EIF4G1: variants seen among roughly 807,000 people sequenced by gnomAD.
The protein encoded by EIF4G1 is EIF4-gamma.
In EIF4G1, 4 loss-of-function variants were observed where a neutral mutation model predicts 187.8. The observed-to-expected ratio is 0.02, with a 90% CI of 0.01 to 0.05. The LOEUF is 0.05. Among genes scored for constraint, EIF4G1 ranks in the 10% least tolerant of loss-of-function variants. The pLI, the probability that EIF4G1 is intolerant of heterozygous loss-of-function variation, is 1.00. For synonymous variants in EIF4G1, 844 were observed against 781.4 expected (o/e 1.08, Z -1.34); for missense variants, 1,647 against 2,081.1 (o/e 0.79, Z 4.06).
At chr3:184,324,651 G>A (rs1724524474) in intron 17 of EIF4G1, among the ~76,000 whole-genome samples, 3 of 152,226 alleles carry the variant, frequency 2.0e-5, no homozygotes, top group Admixed American at 6.5e-5. Context: ...TAATAGAGAC[G>A]GGGTTTTACC....
intron 5 of EIF4G1, 95 bp from the exon 6 acceptor site, chr3:184,317,622 G>T: frequency 6.5e-7 from 1 of 1,528,798 alleles, no homozygotes; most frequent in Non-Finnish European, 9.0e-7. Flanking sequence ...GCCCAGAGTT[G>T]GCTTGTCTTG....
rs1433171073 is a variant in EIF4G1, at chr3:184,332,192, T to C, written c.4618+106T>C. ...TTAATCCAAGAAAGGTAGGTAGTCA[T>C]TAGAGAGCAAAATGCCCTCTGGGTT... On this transcript the variant is annotated intron_variant, in intron 32 of 32. Transcript: ENST00000346169. 6 of 1,491,500 alleles carry C rather than the reference T, an allele frequency of 4.0e-6. No homozygotes were observed. In the South Asian group the frequency reaches 5.9e-5, roughly 15 times the overall value. The allele number at this position is 1,491,500 out of a possible 1,614,324, so 92.4% of individuals were successfully genotyped here. A position where few individuals can be genotyped will look rare whatever the true frequency, so the allele number is the denominator to read the frequency against.
At chr3:184,324,796 G>T in intron 17 of EIF4G1, 82 bp from the exon 18 acceptor site, 1 of 1,480,384 alleles carries the variant, frequency 6.8e-7, no homozygotes, top group South Asian at 1.1e-5. Flanking sequence ...CTTATTGCTA[G>T]GTTTGGATAT....
chr3:184,324,887 C>G lies in EIF4G1; in HGVS notation c.2629C>G (p.Arg877Gly). The G allele has an allele frequency of 6.2e-7, 1 of 1,613,624 alleles. No homozygotes were observed. Among genetic ancestry groups the G allele is most frequent in the Non-Finnish European group, 8.5e-7 (1 of 1,180,026 alleles). The part of the protein sequence containing the change: ...EMDEAATAEE[R>G]GRLKEELEEA... The stretch of plus-strand genomic sequence containing the variant: ...GTCCTGTGAATGGCAGGCAGAGGAA[C>G]GAGGACGCCTGAAGGAAGAGCTGGA... Residue 877 changes from arginine to glycine, a missense_variant, in exon 18 of 33, where the codon CGA (arginine) becomes GGA (glycine). Physicochemically the swap from Arg to Gly is moderately radical, Grantham distance 125. Around this residue, in one of 11 missense-constraint regions of EIF4G1, gnomAD observed 40 missense variants for 42.2 expected, o/e 0.95. Transcript: ENST00000346169.
rs953496082 is a variant in EIF4G1, at chr3:184,321,979, A to T, written c.1395A>T (p.Glu465Asp). ...TGGAAGAAGAAGAAGAAGAGGAAGA[A>T]GGAGAAGCAGGAGAAGCAGGAGAAG... is the stretch of plus-strand genomic sequence containing the variant. ...EEMEEEEEEE[E>D]GEAGEAGEAE... The change falls in exon 10 of 33, where the codon GAA becomes GAT. Residue 465 changes from glutamate (E) to aspartate (D), a missense_variant. By Grantham distance (45) the Glu-to-Asp change is conservative. Coordinates refer to ENST00000346169, the MANE Select transcript of EIF4G1 (RefSeq NM_198241.3). 6.5e-7 allele frequency: 1 copy of T among 1,543,016 alleles called. No individual in the cohort carries two copies. Among genetic ancestry groups the T allele is most frequent in the Admixed American group, 1.7e-5 (1 of 59,016 alleles).
intron 7 of EIF4G1, 106 bp from the exon 8 acceptor site, chr3:184,320,524 C>T: frequency 2.5e-6 from 4 of 1,595,154 alleles, no homozygotes; most frequent in Non-Finnish European, 2.6e-6. Flanking sequence ...TACCTACCTG[C>T]TTCCCGCTGG....
At chr3:184,322,265 A>G (rs1483626756) in intron 10 of EIF4G1, 97 bp from the exon 11 acceptor site, 7 of 1,526,784 alleles carry the variant, frequency 4.6e-6, no homozygotes, top group Admixed American at 1.9e-5. Context: ...CAAAGGGGAA[A>G]TACTGTTCTT....
In EIF4G1 at chr3:184,327,365, G is replaced by A. The variant is rs1297196131; in HGVS notation, c.3578G>A (p.Arg1193Gln). The A allele has an allele frequency of 2.5e-6, 4 of 1,613,532 alleles. No homozygotes were observed. The highest frequency in any genetic ancestry group is 3.3e-5 in the Admixed American group (2 of 60,012). The change falls in exon 24 of 33, where the codon CGG (arginine) becomes CAG (glutamine). Residue 1193 changes from arginine to glutamine, a missense_variant. By Grantham distance (43) the Arg-to-Gln change is conservative (BLOSUM62 1). This residue lies in a region of EIF4G1 where 543 missense variants were observed against 638.0 expected (regional missense o/e 0.85). Coordinates refer to ENST00000346169, the MANE Select transcript of EIF4G1 (RefSeq NM_198241.3). ...KRSFSKEVEE[R>Q]SRERPSQPEG... ...AGCTTCAGCAAGGAAGTGGAGGAGC[G>A]GAGTAGAGAACGGCCCTCCCAGCCT...
In EIF4G1 at chr3:184,332,531, A is replaced by G. The variant is rs535720041; in HGVS notation, c.4618+445A>G. On this transcript the variant is annotated intron_variant, in intron 32 of 32. Coordinates refer to ENST00000346169, the MANE Select transcript of EIF4G1 (RefSeq NM_198241.3). Reference sequence around the variant, plus strand: ...CAGGTTATGCATTCAGAACATAGGTATGTGTCAGGGCATTGGCATGCTCAC... The same window carrying G: ...CAGGTTATGCATTCAGAACATAGGTGTGTGTCAGGGCATTGGCATGCTCAC... Among the ~76,000 whole-genome samples, 16 of 152,186 alleles carry G rather than the reference A, an allele frequency of 1.1e-4. No individual in the cohort carries two copies. In the South Asian group the frequency reaches 1.2e-3, roughly 12 times the overall value.
rs910568790 is a variant in EIF4G1, at chr3:184,335,047, G to A, written c.*139G>A. 24 of 1,240,584 alleles carry A rather than the reference G, an allele frequency of 1.9e-5. No homozygotes were observed. The African/African-American group carries it at 2.8e-4, about 15-fold the overall frequency. 76.8% of individuals were successfully genotyped at this position (1,240,584 alleles called of 1,614,324 possible). ...ATGTGTCTGAACTAATAAAGTGGCT[G>A]AAGAGGCAGGATGGCTTGGGGCTGC... On this transcript the variant is annotated 3_prime_UTR_variant, in exon 33 of 33. Transcript: ENST00000346169.
chr3:184,323,186 T>C lies in EIF4G1; in HGVS notation c.2033T>C (p.Leu678Pro). Residue 678 changes from leucine to proline, a missense_variant, in exon 14 of 33, where the codon CTT becomes CCT. By Grantham distance (98) the Leu-to-Pro change is moderately conservative (BLOSUM62 -3). Coordinates refer to ENST00000346169, the MANE Select transcript of EIF4G1 (RefSeq NM_198241.3). This position sits in a 1 kb window ranked among gnomAD's most constrained non-coding sequence, Gnocchi z 6.9. ...PSFANLGRTTLSTRGPPRGGP... is the reference protein window; with the variant it reads ...PSFANLGRTTPSTRGPPRGGP... ...TTTGCCAACCTTGGCCGGACAACCCTTAGCACCCGTGGGCCCCCAAGGGGT... is the reference window on the plus strand; with the variant it reads ...TTTGCCAACCTTGGCCGGACAACCCCTAGCACCCGTGGGCCCCCAAGGGGT... 1.2e-6 allele frequency: 2 copies of C among 1,614,220 alleles called. No individual in the cohort carries two copies. Among genetic ancestry groups the C allele is most frequent in the Non-Finnish European group, 1.7e-6 (2 of 1,180,038 alleles).
At chr3:184,316,692 C>T in intron 4 of EIF4G1, 1 of 1,593,620 alleles carries the variant, frequency 6.3e-7, no homozygotes, top group Non-Finnish European at 8.5e-7. Flanking sequence ...TCTCTTCTTT[C>T]CTATCCCCAT....
chr3:184,322,166 G>C, intron 10 of EIF4G1, 63 bp downstream of exon 10: 1 of 1,610,402 alleles, frequency 6.2e-7, no homozygotes, highest in Non-Finnish European at 8.5e-7. Flanking sequence ...TGCCCTCCTT[G>C]ATGACCGCCC....
chr3:184,320,414 G>C, intron 7 of EIF4G1: 2 of 1,467,250 alleles, frequency 1.4e-6, no homozygotes, highest in South Asian at 1.4e-5. Context: ...GTACAGGGCT[G>C]CTCTGTGAGA....
At chr3:184,330,476 T>C (rs1725841273) in intron 28 of EIF4G1, among the ~76,000 whole-genome samples, 1 of 152,238 alleles carries the variant, frequency 6.6e-6, no homozygotes, top group Non-Finnish European at 1.5e-5. Context: ...ATAATCTTGC[T>C]AAGAGCCAGT....
Position 184,321,631 on chromosome 3 carries a change from C to A in EIF4G1, c.1047C>A (p.Thr349=), listed in dbSNP as rs1410157619. 1.9e-6 allele frequency: 3 copies of A among 1,612,376 alleles called. No homozygotes were observed. The highest frequency in any genetic ancestry group is 1.7e-4 in the Middle Eastern group (1 of 6,056). ...EFSSSPLQAP[T]PLASHTVEIH... is the part of the protein sequence containing the mutation. ...CTTCCAGTCCTCTCCAGGCTCCCAC[C>A]CCTTTGGCATCTCACACAGTGGAAA... Residue 349 remains threonine, a synonymous_variant, in exon 10 of 33, where the codon ACC becomes ACA. Transcript: ENST00000346169.
chr3:184,327,526 C>G, intron 24 of EIF4G1, 60 bp from the exon 25 acceptor site: 1 of 1,612,728 alleles, frequency 6.2e-7, no homozygotes, highest in Non-Finnish European at 8.5e-7. Context: ...TTTGAGAGCT[C>G]CAAATCTTGT....
chr3:184,326,491 T>G (rs771429556), intron 21 of EIF4G1, 36 bp from the exon 22 acceptor site: 2 of 1,611,796 alleles, frequency 1.2e-6, no homozygotes, highest in Admixed American at 3.3e-5. Flanking sequence ...CTCAGCCGGG[T>G]TGGACCTATG....
At chr3:184,333,376 C>G (rs1034689351) in intron 32 of EIF4G1, among the ~76,000 whole-genome samples, 5 of 152,028 alleles carry the variant, frequency 3.3e-5, no homozygotes, top group Non-Finnish European at 7.4e-5. Flanking sequence ...TGTGAAATGC[C>G]GGCACAGGGT....
Sources: allele counts gnomAD v4.1 joint callset (sites outside exome capture counted in the v4.1 genomes callset), GRCh38; gene constraint gnomAD v4.1.1; regional missense constraint gnomAD v4.1.1; non-coding constraint Gnocchi (gnomAD v3.1); transcripts MANE v1.5; gene names NCBI Gene and HGNC (gene_info 2026-07-23, HGNC 2026-07-21).